The following CENPP variants were observed in gnomAD, a reference collection of about 807,000 sequenced individuals.
CENPP encodes centromere protein P.
Under a neutral mutation model 35.6 loss-of-function variants are expected in CENPP, and 24 were observed. The ratio of observed to expected loss-of-function variants is 0.67; its 90% CI spans 0.49 to 0.95. The LOEUF is 0.95. Ranked by LOEUF, CENPP falls within the 40% of genes least tolerant of loss-of-function variation. The probability of loss-of-function intolerance (pLI) is 0.00; values close to 1 mark genes in which losing one functional copy is unlikely to be tolerated. For synonymous variants in CENPP, 120 were observed against 125.5 expected (o/e 0.96, Z 0.29); for missense variants, 332 against 345.3 (o/e 0.96, Z 0.31).
chr9:92,571,598 G>A (rs1040456604), intron 5 of CENPP, among the ~76,000 whole-genome samples: 2 of 152,158 alleles, frequency 1.3e-5, no homozygotes, highest in African/African-American at 4.8e-5. Context: ...TTTTAGGTCT[G>A]CTTGGTGCAG....
intron 5 of CENPP, among the ~76,000 whole-genome samples, chr9:92,444,492 A>G (rs894412753): frequency 6.6e-6 from 1 of 151,024 alleles, no homozygotes; most frequent in Non-Finnish European, 1.5e-5. Context: ...AAAACGTTTT[A>G]ATTTTGCTGA....
chr9:92,368,781 GTAATCCTAAT>G (rs1841944874), intron 4 of CENPP, among the ~76,000 whole-genome samples: 1 of 152,224 alleles, frequency 6.6e-6, no homozygotes, highest in Non-Finnish European at 1.5e-5. Context: ...GTTCATGCCT[GTAATCCTAAT>G]GGTTTGGGAG....
intron 1 of CENPP, among the ~76,000 whole-genome samples, chr9:92,329,694 A>G (rs1840681856): frequency 6.6e-6 from 1 of 152,008 alleles, no homozygotes; most frequent in African/African-American, 2.4e-5. Flanking sequence ...GACTGAAGGC[A>G]TGGCACCTGC....
intron 5 of CENPP, among the ~76,000 whole-genome samples, chr9:92,448,673 G>A (rs1844616504): frequency 6.6e-6 from 1 of 151,974 alleles, no homozygotes; most frequent in Non-Finnish European, 1.5e-5. Context: ...GGATTGGAAG[G>A]TCCAGGTGAA....
chr9:92,589,207 T>C (rs1850612463), intron 5 of CENPP, among the ~76,000 whole-genome samples: 1 of 150,814 alleles, frequency 6.6e-6, no homozygotes, highest in African/African-American at 2.4e-5. Flanking sequence ...GGCGTGGTAA[T>C]GCACACCTGT....
Position 92,391,539 on chromosome 9 carries a change from C to G in CENPP, c.564+11680C>G, listed in dbSNP as rs1379944658. On this transcript the variant is annotated intron_variant, in intron 5 of 7. Transcript: ENST00000375587. ...CCTTGAACCCAGGAGGCAGAGGCTG[C>G]AGTGAGCTGAGATCACACCACTGCA... Among the ~76,000 whole-genome samples the G allele has an allele frequency of 2.0e-5, 3 of 152,268 alleles. No homozygotes were observed. The East Asian group carries it at 5.8e-4, about 29-fold the overall frequency.
In CENPP at chr9:92,516,081, C is replaced by G. The variant is rs970452234; in HGVS notation, c.565-95233C>G. 2.0e-5 allele frequency among the ~76,000 whole-genome samples: 3 copies of G among 149,942 alleles called. 1 individual carries two copies. Among genetic ancestry groups the G allele is most frequent in the African/African-American group, 7.3e-5 (3 of 41,004 alleles). ...AGTGCATACTTTTTTTTCCCCCCCC[C>G]GAGACGGAGTCTTGCTCTGTCGCCC... On this transcript the variant is annotated intron_variant, in intron 5 of 7. Transcript: ENST00000375587.
chr9:92,513,191 C>A (rs899769882), intron 5 of CENPP, among the ~76,000 whole-genome samples: 6 of 152,202 alleles, frequency 3.9e-5, no homozygotes, highest in Non-Finnish European at 8.8e-5. Context: ...ACACCTGGTC[C>A]TGCTGTTGTT....
chr9:92,619,581 A>C lies in CENPP; in HGVS notation c.*6432A>C. On this transcript the variant is annotated 3_prime_UTR_variant, in exon 8 of 8. Transcript: ENST00000375587. ...ACTGCTGCACCTGCAGGGGCGGGAA[A>C]GATCAGCTCCAGGTCACACAGGAAG... The C allele has an allele frequency of 1.3e-6, 2 of 1,566,564 alleles. No individual in the cohort carries two copies. The highest frequency in any genetic ancestry group is 1.7e-6 in the Non-Finnish European group (2 of 1,154,804).
intron 5 of CENPP, chr9:92,535,938 G>A: frequency 2.1e-6 from 1 of 483,524 alleles, no homozygotes. Context: ...TTTACCTGGA[G>A]ATCTAAACTA....
At chr9:92,552,165 TATGTGATATGATAGATCTATCATATACAC>T (rs1321455171) in intron 5 of CENPP, among the ~76,000 whole-genome samples, 23 of 130,812 alleles carry the variant, frequency 1.8e-4, no homozygotes, top group African/African-American at 7.4e-4. Flanking sequence ...CTATCATATA[TATGTGATATGATAGATCTATCATATACAC>T]ACACACACAC....
chr9:92,560,212 CA>C (rs1004235738), intron 5 of CENPP, among the ~76,000 whole-genome samples: 61 of 152,166 alleles, frequency 4.0e-4, no homozygotes, highest in African/African-American at 1.3e-3. Context: ...TTGGAAGAAA[CA>C]AAAAACAAAC....
At chr9:92,339,579 A>T (rs1424588422) in intron 3 of CENPP, 1 of 152,268 alleles carries the variant, frequency 6.6e-6, no homozygotes, top group Non-Finnish European at 1.5e-5. Flanking sequence ...GTAGTATAGC[A>T]TTGCCTAGGC....
intron 4 of CENPP, among the ~76,000 whole-genome samples, chr9:92,347,303 T>A (rs191632389): frequency 1.3e-5 from 2 of 152,352 alleles, no homozygotes; most frequent in East Asian, 3.9e-4. Flanking sequence ...CATCTGCTAT[T>A]TGGAAATTAC....
rs149261676 is a variant in CENPP, at chr9:92,619,698, G to A, written c.*6549G>A. 3.3e-4 allele frequency: 260 copies of A among 782,334 alleles called. No individual in the cohort carries two copies. In the African/African-American group the frequency reaches 4.1e-3, roughly 12 times the overall value. The allele number at this position is 782,334 out of a possible 1,614,324, so 48.5% of individuals were successfully genotyped here. ...CCTGAGGGTGGGATTAGGAGCGAGGGCCACGGTGAGCACGGGCGTCAGGAG... is the reference window on the plus strand; with the variant it reads ...CCTGAGGGTGGGATTAGGAGCGAGGACCACGGTGAGCACGGGCGTCAGGAG... On this transcript the variant is annotated 3_prime_UTR_variant, in exon 8 of 8. Transcript: ENST00000375587.
At chr9:92,567,379 T>TAGATATATATAG (rs1000558894) in intron 5 of CENPP, among the ~76,000 whole-genome samples, 2 of 90,442 alleles carry the variant, frequency 2.2e-5, no homozygotes, top group East Asian at 2.2e-4. Flanking sequence ...GATAGATATA[T>TAGATATATATAG]ATATATATAT....
chr9:92,334,957 C>G lies in CENPP; in HGVS notation c.290-2584C>G, dbSNP rs1016362744. On this transcript the variant is annotated intron_variant, in intron 2 of 7. Coordinates refer to ENST00000375587, the MANE Select transcript of CENPP (RefSeq NM_001012267.3). ...GTCCCAGCACTTTGGGAAGCCGAGG[C>G]GGGCGAATCACTTGAGGTCAGGAGT... Among the ~76,000 whole-genome samples, 4 of 150,130 alleles carry G rather than the reference C, an allele frequency of 2.7e-5. No individual in the cohort carries two copies. In the East Asian group the frequency reaches 7.9e-4, roughly 30 times the overall value.
chr9:92,600,294 C>T (rs1850877446), intron 5 of CENPP: 2 of 1,468,510 alleles, frequency 1.4e-6, no homozygotes, highest in Non-Finnish European at 1.8e-6. Flanking sequence ...CCTGTCCATA[C>T]AGGCCCATTA....
At chr9:92,338,119 G>A (rs945718014) in intron 3 of CENPP, among the ~76,000 whole-genome samples, 5 of 152,184 alleles carry the variant, frequency 3.3e-5, no homozygotes, top group East Asian at 1.9e-4. Context: ...TGAGACCAGC[G>A]TGGGCAATGT....
Sources: gnomAD v4.1 joint callset for allele counts (sites outside exome capture counted in the v4.1 genomes callset) on GRCh38, gnomAD v4.1.1 for gene constraint, MANE v1.5 for transcripts, NCBI Gene and HGNC (gene_info 2026-07-23, HGNC 2026-07-21) for gene names.